The following SYT14 variants were observed in gnomAD, a reference collection of about 807,000 sequenced individuals.
SYT14 encodes the protein synaptotagmin 14.
Under a neutral mutation model 74.2 loss-of-function variants are expected in SYT14, and 32 were observed. The observed-to-expected ratio is 0.43, with a 90% CI of 0.33 to 0.58. The LOEUF (loss-of-function observed/expected upper bound fraction) is 0.58, where lower values mean the gene tolerates loss of function less well. Among genes scored for constraint, SYT14 ranks in the 20% least tolerant of loss-of-function variants. SYT14 has a pLI of 0.05. For missense variants in SYT14, 791 were observed against 981.8 expected (o/e 0.81, Z 2.60); for synonymous variants, 298 against 337.7 (o/e 0.88, Z 1.29).
intron 5 of SYT14, among the ~76,000 whole-genome samples, chr1:210,032,611 T>G (rs2080564775): frequency 6.6e-6 from 1 of 151,642 alleles, no homozygotes; most frequent in African/African-American, 2.4e-5. Context: ...CATACCTGCT[T>G]CTTTCATTTT....
chr1:210,144,205 G>A (rs1437074295), intron 7 of SYT14, among the ~76,000 whole-genome samples: 2 of 152,086 alleles, frequency 1.3e-5, no homozygotes, highest in African/African-American at 4.8e-5. Context: ...TAGATAAGGA[G>A]TTACAAATGA....
intron 1 of SYT14, among the ~76,000 whole-genome samples, chr1:209,939,295 A>ATAGC (rs2078691001): frequency 6.6e-6 from 1 of 152,196 alleles, no homozygotes; most frequent in South Asian, 2.1e-4. Flanking sequence ...CAAGGTACCT[A>ATAGC]TAGCTATATC....
chr1:209,993,249 C>T (rs926971016), intron 2 of SYT14, among the ~76,000 whole-genome samples: 9 of 152,192 alleles, frequency 5.9e-5, no homozygotes, highest in African/African-American at 1.9e-4. Flanking sequence ...GGAACAGGGG[C>T]ACATCTGTTG....
intron 5 of SYT14, among the ~76,000 whole-genome samples, chr1:210,038,563 T>A (rs1011750493): frequency 2.6e-5 from 4 of 152,138 alleles, no homozygotes; most frequent in Non-Finnish European, 5.9e-5. Flanking sequence ...AGTATCAATC[T>A]TTCATTTCCA....
At chr1:209,994,560 A>T (rs957738162) in intron 2 of SYT14, among the ~76,000 whole-genome samples, 1 of 152,176 alleles carries the variant, frequency 6.6e-6, no homozygotes, top group East Asian at 1.9e-4. Flanking sequence ...TAACTTGGAA[A>T]ATATACTTGA....
chr1:210,060,185 T>G (rs1287681587), intron 5 of SYT14, among the ~76,000 whole-genome samples: 1 of 152,178 alleles, frequency 6.6e-6, no homozygotes, highest in African/African-American at 2.4e-5. Context: ...GTTTCTAATC[T>G]TACCCTTTGT....
chr1:209,968,150 A>T (rs1423416439), intron 2 of SYT14, among the ~76,000 whole-genome samples: 1 of 152,202 alleles, frequency 6.6e-6, no homozygotes, highest in East Asian at 1.9e-4. Context: ...GCATAAGTTC[A>T]CTGGGACTGT....
intron 5 of SYT14, among the ~76,000 whole-genome samples, chr1:210,036,416 CCTTT>C (rs1022870218): frequency 2.0e-5 from 3 of 151,922 alleles, no homozygotes; most frequent in Non-Finnish European, 2.9e-5. Flanking sequence ...GTTTGGATGA[CCTTT>C]CTTTCTTTCT....
intron 2 of SYT14, among the ~76,000 whole-genome samples, chr1:209,992,817 G>T (rs547677785): frequency 6.6e-6 from 1 of 152,196 alleles, no homozygotes; most frequent in Admixed American, 6.5e-5. Flanking sequence ...CCTTAATTTG[G>T]GCAGATCTTC....
chr1:210,065,251 G>A (rs533505627), intron 5 of SYT14, among the ~76,000 whole-genome samples: 2 of 152,140 alleles, frequency 1.3e-5, no homozygotes, highest in South Asian at 4.1e-4. Context: ...TGTAGTTCCT[G>A]TAATCCCCAC....
intron 2 of SYT14, among the ~76,000 whole-genome samples, chr1:209,997,452 CTACTG>C (rs1413259885): frequency 1.3e-5 from 2 of 152,058 alleles, no homozygotes; most frequent in Non-Finnish European, 1.5e-5. Context: ...TTAAAAAACA[CTACTG>C]AAAGAAATTG....
chr1:210,030,234 T>A (rs1294349624), intron 5 of SYT14, among the ~76,000 whole-genome samples: 1 of 151,966 alleles, frequency 6.6e-6, no homozygotes, highest in Non-Finnish European at 1.5e-5. Context: ...CTCTGCCTCC[T>A]GAGTTCAAGT....
intron 2 of SYT14, among the ~76,000 whole-genome samples, chr1:209,956,590 T>C (rs1275687035): frequency 2.0e-5 from 3 of 152,182 alleles, no homozygotes; most frequent in African/African-American, 7.2e-5. Context: ...GCTACATCTA[T>C]AGTAACTTCA....
intron 2 of SYT14, 76 bp from the exon 3 acceptor site, chr1:210,013,557 A>T: frequency 7.3e-7 from 1 of 1,361,874 alleles, no homozygotes; most frequent in Non-Finnish European, 1.0e-6. Context: ...AAGCTAACTT[A>T]ATGTTTGGGG....
intron 2 of SYT14, among the ~76,000 whole-genome samples, chr1:209,967,280 G>A (rs1054260043): frequency 3.3e-5 from 5 of 152,008 alleles, no homozygotes; most frequent in African/African-American, 9.7e-5. Flanking sequence ...TTCTTTTCAT[G>A]CCTCTTTCTA....
intron 5 of SYT14, among the ~76,000 whole-genome samples, chr1:210,067,433 T>C (rs988936378): frequency 2.0e-5 from 3 of 152,028 alleles, no homozygotes; most frequent in Admixed American, 1.3e-4. Context: ...GAACATGAGA[T>C]GTTTGTCCAG....
rs2079239314 is a variant in SYT14, at chr1:209,970,687, T to TTA, written c.-486+17932_-486+17933insAT. ...CTTTTTTTTTTTTTTTTTTTTTTTTTTTTTTTTTTTTTTTGAGGCAGAGTC... is the reference window on the plus strand; with the variant it reads ...CTTTTTTTTTTTTTTTTTTTTTTTTTTATTTTTTTTTTTTTTGAGGCAGAGTC... On this transcript the variant is annotated intron_variant, in intron 2 of 9. Coordinates refer to ENST00000637265, the Ensembl canonical transcript of SYT14. Among the ~76,000 whole-genome samples, 25 of 84,260 alleles carry TTA rather than the reference T, an allele frequency of 3.0e-4. 2 individuals carry two copies. Among genetic ancestry groups the TTA allele is most frequent in the African/African-American group, 9.5e-4 (24 of 25,252 alleles). The allele number at this position is 84,260 out of a possible 152,430, so 55.3% of individuals were successfully genotyped here.
Position 209,947,830 on chromosome 1 carries a change from T to C in SYT14, c.-533-4879T>C, listed in dbSNP as rs1182000144. Among the ~76,000 whole-genome samples the C allele has an allele frequency of 2.0e-5, 3 of 152,192 alleles. No individual in the cohort carries two copies. In the South Asian group the frequency reaches 6.2e-4, roughly 31 times the overall value. ...GAATCCATCAGTGTGGTAAACTTCA[T>C]TGTCTAATTTTAAGAAATTGCCACA... On this transcript the variant is annotated intron_variant, in intron 1 of 9. Coordinates refer to ENST00000637265, the Ensembl canonical transcript of SYT14.
intron 7 of SYT14, among the ~76,000 whole-genome samples, chr1:210,111,188 G>A (rs2082255479): frequency 6.6e-6 from 1 of 152,164 alleles, no homozygotes; most frequent in Non-Finnish European, 1.5e-5. Context: ...CAGAAAGAGG[G>A]TCAGTGAAGG....
Sources: allele counts gnomAD v4.1 joint callset (sites outside exome capture counted in the v4.1 genomes callset), GRCh38; gene constraint gnomAD v4.1.1; transcripts MANE v1.5; gene names NCBI Gene and HGNC (gene_info 2026-07-23, HGNC 2026-07-21).